Variants in PXN observed in about 807,000 individuals in gnomAD.
PXN encodes the protein paxillin.
PXN carries 61 observed loss-of-function variants against 103.6 expected under a neutral mutation model. The observed-to-expected ratio is 0.59, with a 90% confidence interval of 0.48 to 0.73. PXN has a LOEUF of 0.73. Among genes scored for constraint, PXN ranks in the 30% least tolerant of loss-of-function variants. PXN has a pLI of 0.00. For missense variants in PXN, 1,274 were observed against 1,460.3 expected (o/e 0.87, Z 2.08); for synonymous variants, 562 against 607.8 (o/e 0.92, Z 1.11).
Position 120,216,454 on chromosome 12 carries a change from A to G in PXN, c.2120T>C (p.Leu707Pro), listed in dbSNP as rs990819084. Residue 707 changes from leucine to proline, a missense_variant, in exon 9 of 15, where the codon CTG becomes CCG. By Grantham distance (98) the Leu-to-Pro change is moderately conservative (BLOSUM62 -3). Around this residue, in one of 2 missense-constraint regions of PXN, gnomAD observed 1,178 missense variants for 1,309.0 expected, o/e 0.90. Transcript: ENST00000637617. The surrounding 1 kb of genome is among the most constrained non-coding windows in gnomAD (Gnocchi z 5.1). ...GGGCCCCAGGGGGGAGGAGGCGAGCAGGCTGGGCAGGGGAGAAGAGCTGCT... is the reference window on the plus strand; with the variant it reads ...GGGCCCCAGGGGGGAGGAGGCGAGCGGGCTGGGCAGGGGAGAAGAGCTGCT... Reference protein sequence around the residue: ...AASSSSPLPSLLASSPLGPSA... With the variant: ...AASSSSPLPSPLASSPLGPSA... 4 of 1,378,498 alleles carry G rather than the reference A, an allele frequency of 2.9e-6. No homozygotes were observed. In the Admixed American group the frequency reaches 1.4e-4, roughly 50 times the overall value. The allele number at this position is 1,378,498 out of a possible 1,614,324, so 85.4% of individuals were successfully genotyped here.
At position 120,224,998 on chromosome 12, in the gene PXN, T is replaced by G. The variant is rs1886445314; in HGVS notation, c.14-621A>C. 1 of 336,342 alleles carries G rather than the reference T, an allele frequency of 3.0e-6. No homozygotes were observed. Among genetic ancestry groups the G allele is most frequent in the African/African-American group, 2.2e-5 (1 of 46,402 alleles). 20.8% of individuals were successfully genotyped at this position (336,342 alleles called of 1,614,324 possible). On this transcript the variant is annotated intron_variant, in intron 1 of 14. Transcript: ENST00000637617. This position sits in a 1 kb window ranked among gnomAD's most constrained non-coding sequence, Gnocchi z 5.0. The stretch of plus-strand genomic sequence containing the variant: ...GGTGCAGCGGTCCCCACCCCCTCAG[T>G]GAGCAGGGGGCAAGACTGCTCCATT...
At chr12:120,235,100 C>G (rs1040242707) in intron 1 of PXN, among the ~76,000 whole-genome samples, 1 of 152,156 alleles carries the variant, frequency 6.6e-6, no homozygotes, top group African/African-American at 2.4e-5. Flanking sequence ...AGGGCCCCAA[C>G]GCCTCCACCC....
chr12:120,260,512 A>AG (rs1036659405), intron 1 of PXN, among the ~76,000 whole-genome samples: 42 of 151,556 alleles, frequency 2.8e-4, no homozygotes, highest in Admixed American at 8.5e-4. Flanking sequence ...AAAAAAAAAA[A>AG]AAGAACAAAA....
At position 120,223,755 on chromosome 12, in the gene PXN, G is replaced by C. The variant is rs1885973859; in HGVS notation, c.319C>G (p.Pro107Ala). ...TCCTCCTCACCCACTCGGGAGCACGGAGAGCCAACACTGTCCTGAGGGTTG... is the reference window on the plus strand; with the variant it reads ...TCCTCCTCACCCACTCGGGAGCACGCAGAGCCAACACTGTCCTGAGGGTTG... The part of the protein sequence containing the change: ...VSNPQDSVGS[P>A]CSRVGEEEHV... Residue 107 changes from proline (P) to alanine (A), a missense_variant, in exon 3 of 15, where the codon CCG becomes GCG. Pro to Ala is a conservative substitution (Grantham distance 27). Around this residue, in one of 2 missense-constraint regions of PXN, gnomAD observed 1,178 missense variants for 1,309.0 expected, o/e 0.90. Transcript: ENST00000637617. 6.2e-7 allele frequency: 1 copy of C among 1,607,754 alleles called. No individual in the cohort carries two copies. The highest frequency in any genetic ancestry group is 1.3e-5 in the African/African-American group (1 of 74,842).
intron 1 of PXN, among the ~76,000 whole-genome samples, chr12:120,240,176 G>A (rs1167390555): frequency 6.6e-6 from 1 of 152,010 alleles, no homozygotes; most frequent in African/African-American, 2.4e-5. Flanking sequence ...GCCATTTAGA[G>A]GAACAAATAA....
intron 1 of PXN, among the ~76,000 whole-genome samples, chr12:120,242,391 C>T (rs1032267206): frequency 2.6e-5 from 4 of 151,562 alleles, no homozygotes; most frequent in African/African-American, 4.9e-5. Flanking sequence ...CTCTGACAGC[C>T]GTCCTCCAGG....
At position 120,225,513 on chromosome 12, in the gene PXN, C is replaced by T. The variant is rs191966365; in HGVS notation, c.14-1136G>A. ...GTCTCCGTTAATCCCCCTAATACCC[C>T]CTGTAGCTGGAAATGATTCTCCCCG... On this transcript the variant is annotated intron_variant, in intron 1 of 14. Transcript: ENST00000637617. The surrounding 1 kb of genome is among the most constrained non-coding windows in gnomAD (Gnocchi z 4.4). The T allele has an allele frequency of 6.6e-6, 1 of 152,502 alleles. No individual in the cohort carries two copies. Among genetic ancestry groups the T allele is most frequent in the East Asian group, 1.9e-4 (1 of 5,186 alleles). The allele number at this position is 152,502 out of a possible 1,614,324, so 9.4% of individuals were successfully genotyped here.
rs79352889 is a variant in PXN, at chr12:120,219,741, G to C, written c.1182C>G (p.Leu394=). 1.8e-3 allele frequency: 2,853 copies of C among 1,596,972 alleles called. 28 individuals are homozygous for C. In the African/African-American group the frequency reaches 0.024, roughly 13 times the overall value. ...WRHLPTITSE[L]SGAPRCHTVP... The stretch of plus-strand genomic sequence containing the variant: ...CAGTGTGGCAGCGGGGAGCCCCAGA[G>C]AGCTCACTTGTGATGGTCGGCAGGT... The change falls in exon 7 of 15, where the codon CTC becomes CTG. Residue 394 remains leucine (L), a synonymous_variant. Transcript: ENST00000637617. The surrounding 1 kb of genome is among the most constrained non-coding windows in gnomAD (Gnocchi z 6.5).
chr12:120,223,095 A>C, intron 3 of PXN, 96 bp from the exon 4 acceptor site: 4 of 1,589,180 alleles, frequency 2.5e-6, no homozygotes, highest in Non-Finnish European at 3.4e-6. Context: ...AAGGCAGAGG[A>C]GATGCGAAGT....
rs371029622 is a variant in PXN at position 120,215,617 on chromosome 12, C to A, written c.2346G>T (p.Ala782=). 1.2e-6 allele frequency: 2 copies of A among 1,611,462 alleles called. No homozygotes were observed. Among genetic ancestry groups the A allele is most frequent in the South Asian group, 2.2e-5 (2 of 91,004 alleles). Residue 782 remains alanine, a synonymous_variant, in exon 10 of 15, where the codon GCG becomes GCT. Transcript: ENST00000637617. This position sits in a 1 kb window ranked among gnomAD's most constrained non-coding sequence, Gnocchi z 4.9. ...EQRADGERCW[A]AGWPRDGGRS... ...GCCCGCCGTCCCGAGGCCAGCCGGC[C>A]GCCCAGCACCGCTCCCCATCCGCTC...
chr12:120,233,829 T>A (rs1032515759), intron 1 of PXN, among the ~76,000 whole-genome samples: 12 of 152,156 alleles, frequency 7.9e-5, no homozygotes, highest in Non-Finnish European at 4.4e-5. Context: ...GACTCCCCGC[T>A]TCCCTTTTTG....
At position 120,249,895 on chromosome 12, in the gene PXN, T is replaced by C. The variant is rs73415041; in HGVS notation, c.13+15722A>G. ...ACAGCTACCTCACCTCAAAGACGCA[T>C]TGTGCCTGATGAAGCTAAGCAGGGG... On this transcript the variant is annotated intron_variant, in intron 1 of 14. Transcript: ENST00000637617. 913 of 985,426 alleles carry C rather than the reference T, an allele frequency of 9.3e-4. 1 individual carries two copies. The African/African-American group carries it at 0.014, about 15-fold the overall frequency. 61.0% of individuals were successfully genotyped at this position (985,426 alleles called of 1,614,324 possible). A position where few individuals can be genotyped will look rare whatever the true frequency, so the allele number is the denominator to read the frequency against.
At chr12:120,232,178 CACT>C (rs1888184536) in intron 1 of PXN, among the ~76,000 whole-genome samples, 1 of 152,186 alleles carries the variant, frequency 6.6e-6, no homozygotes, top group Admixed American at 6.5e-5. Context: ...CATGCCACCA[CACT>C]AGGCTTTTAA....
chr12:120,216,010 GC>G lies in PXN; in HGVS notation c.2301+262del, dbSNP rs1330056487. 1 of 1,356,708 alleles carries G rather than the reference GC, an allele frequency of 7.4e-7. No homozygotes were observed. Among genetic ancestry groups the G allele is most frequent in the African/African-American group, 1.5e-5 (1 of 67,380 alleles). 84.0% of individuals were successfully genotyped at this position (1,356,708 alleles called of 1,614,324 possible). On this transcript the variant is annotated intron_variant, in intron 9 of 14. Coordinates refer to ENST00000637617, the MANE Select transcript of PXN (RefSeq NM_001385981.1). The surrounding 1 kb of genome is among the most constrained non-coding windows in gnomAD (Gnocchi z 5.1). ...GGAGTGGCTTCTTTCCTCGATGGGA[GC>G]CCGGGGCAGTACTGAGGACCAGTCG...
Position 120,215,617 on chromosome 12 carries a change from C to T in PXN, c.2346G>A (p.Ala782=), listed in dbSNP as rs371029622. The change falls in exon 10 of 15, where the codon GCG becomes GCA. Residue 782 remains alanine (A), a synonymous_variant. Coordinates refer to ENST00000637617, the MANE Select transcript of PXN (RefSeq NM_001385981.1). The surrounding 1 kb of genome is among the most constrained non-coding windows in gnomAD (Gnocchi z 4.9). ...GCCCGCCGTCCCGAGGCCAGCCGGC[C>T]GCCCAGCACCGCTCCCCATCCGCTC... ...EQRADGERCW[A]AGWPRDGGRS... is the part of the protein sequence containing the mutation. 31 of 1,611,344 alleles carry T rather than the reference C, an allele frequency of 1.9e-5. No homozygotes were observed. The highest frequency in any genetic ancestry group is 1.6e-4 in the African/African-American group (12 of 74,868).
At chr12:120,245,742 C>G (rs1890975732) in intron 1 of PXN, among the ~76,000 whole-genome samples, 1 of 145,686 alleles carries the variant, frequency 6.9e-6, no homozygotes, top group Admixed American at 7.0e-5. Flanking sequence ...GAGCCGAGAT[C>G]GCACGACTGC....
At position 120,265,425 on chromosome 12, in the gene PXN, G is replaced by T. The variant is rs1382641295; in HGVS notation, c.13+192C>A. 6.6e-6 allele frequency among the ~76,000 whole-genome samples: 1 copy of T among 152,088 alleles called. No homozygotes were observed. The highest frequency in any genetic ancestry group is 1.5e-5 in the Non-Finnish European group (1 of 67,980). On this transcript the variant is annotated intron_variant, in intron 1 of 14. Transcript: ENST00000637617. The surrounding 1 kb of genome is among the most constrained non-coding windows in gnomAD (Gnocchi z 5.7). ...GGGTCGCTGCTGTGCGGTCGGTGCCGGGGCCGGCCTGGCCCGAGACTAAGG... is the reference window on the plus strand; with the variant it reads ...GGGTCGCTGCTGTGCGGTCGGTGCCTGGGCCGGCCTGGCCCGAGACTAAGG...
At chr12:120,263,381 C>T (rs1236380595) in intron 1 of PXN, among the ~76,000 whole-genome samples, 2 of 152,226 alleles carry the variant, frequency 1.3e-5, no homozygotes, top group Non-Finnish European at 2.9e-5. Flanking sequence ...CGGATGTAAG[C>T]AACTGGGAGT....
rs1025713170 is a variant in PXN, at chr12:120,243,151, C to T, written c.14-18774G>A. ...CAGGCCTCTGCATGAGCTATTCCCT[C>T]TCCCTAGACCTCTCTCCTGTCTTCT... On this transcript the variant is annotated intron_variant, in intron 1 of 14. Coordinates refer to ENST00000637617, the MANE Select transcript of PXN (RefSeq NM_001385981.1). 3.3e-5 allele frequency among the ~76,000 whole-genome samples: 5 copies of T among 152,218 alleles called. No homozygotes were observed. The East Asian group carries it at 9.6e-4, about 29-fold the overall frequency.
Sources: allele counts gnomAD v4.1 joint callset (sites outside exome capture counted in the v4.1 genomes callset), GRCh38; gene constraint gnomAD v4.1.1; regional missense constraint gnomAD v4.1.1; non-coding constraint Gnocchi (gnomAD v3.1); transcripts MANE v1.5; gene names NCBI Gene and HGNC (gene_info 2026-07-23, HGNC 2026-07-21).